The following NSG2 variants were observed in gnomAD, a reference collection of about 807,000 sequenced individuals.
NSG2 encodes the protein neuronal vesicle trafficking-associated protein 2.
A neutral mutation model predicts 16.9 loss-of-function variants in NSG2; 4 were observed. That is an observed-to-expected ratio of 0.24 (90% confidence interval 0.12 to 0.54). The LOEUF is 0.54. Among genes scored for constraint, NSG2 ranks in the 20% least tolerant of loss-of-function variants. NSG2 has a pLI of 0.95. For missense variants in NSG2, 179 were observed against 221.1 expected (o/e 0.81, Z 1.21); for synonymous variants, 98 against 88.7 (o/e 1.11, Z -0.59).
At chr5:174,084,968 CT>C (rs974321765) in intron 3 of NSG2, among the ~76,000 whole-genome samples, 30 of 152,260 alleles carry the variant, frequency 2.0e-4, no homozygotes, top group Admixed American at 2.6e-4. Context: ...GCACGTCCAT[CT>C]TTTTTGGAGC....
At position 174,064,113 on chromosome 5, in the gene NSG2, G is replaced by A. The variant is rs1760101576; in HGVS notation, c.130-119G>A. On this transcript the variant is annotated intron_variant, in intron 2 of 4. Coordinates refer to ENST00000303177, the MANE Select transcript of NSG2 (RefSeq NM_015980.5). ...AATTTTCTCTTACGTGTGTTTGAAG[G>A]GGGGTTCTTTATTTTTTTGATCTTT... 4.7e-6 allele frequency: 3 copies of A among 642,850 alleles called. No homozygotes were observed. The East Asian group carries it at 7.9e-5, about 17-fold the overall frequency. 39.8% of individuals were successfully genotyped at this position (642,850 alleles called of 1,614,324 possible).
intron 2 of NSG2, among the ~76,000 whole-genome samples, chr5:174,063,458 C>G (rs1760088861): frequency 6.6e-6 from 1 of 152,074 alleles, no homozygotes; most frequent in South Asian, 2.1e-4. Context: ...CACAAGTCCC[C>G]AAATCAAATT....
intron 3 of NSG2, among the ~76,000 whole-genome samples, chr5:174,103,904 G>A (rs570162149): frequency 4.6e-5 from 7 of 152,342 alleles, no homozygotes; most frequent in South Asian, 4.1e-4. Flanking sequence ...GGTGAAGGTT[G>A]CAGTGAGCTG....
intron 3 of NSG2, among the ~76,000 whole-genome samples, chr5:174,089,152 C>G (rs1029637739): frequency 6.6e-6 from 1 of 152,186 alleles, no homozygotes; most frequent in Non-Finnish European, 1.5e-5. Context: ...ACAAGGAGGT[C>G]TGTCTATAAG....
intron 3 of NSG2, among the ~76,000 whole-genome samples, chr5:174,097,725 G>C (rs771016207): frequency 1.3e-5 from 2 of 149,994 alleles, no homozygotes; most frequent in Non-Finnish European, 3.0e-5. Flanking sequence ...GTTTGTCTCT[G>C]TGTGTGTCTC....
At chr5:174,061,138 C>G (rs1415423395) in intron 2 of NSG2, among the ~76,000 whole-genome samples, 1 of 152,020 alleles carries the variant, frequency 6.6e-6, no homozygotes, top group African/African-American at 2.4e-5. Flanking sequence ...ATATATTACA[C>G]ACACACACAC....
intron 2 of NSG2, among the ~76,000 whole-genome samples, chr5:174,059,223 TG>T (rs1286440276): frequency 6.6e-6 from 1 of 152,206 alleles, no homozygotes; most frequent in Non-Finnish European, 1.5e-5. Context: ...AAAAACCTCT[TG>T]GTATCTAATT....
chr5:174,078,456 G>T (rs1026397521), intron 3 of NSG2, among the ~76,000 whole-genome samples: 1 of 152,164 alleles, frequency 6.6e-6, no homozygotes, highest in Non-Finnish European at 1.5e-5. Flanking sequence ...GTTAATGGTT[G>T]TAGACAGAGG....
At chr5:174,106,237 T>C (rs1467852803) in intron 4 of NSG2, among the ~76,000 whole-genome samples, 2 of 152,200 alleles carry the variant, frequency 1.3e-5, no homozygotes, top group African/African-American at 4.8e-5. Context: ...TTCTTAAATA[T>C]TTGTCCTTGA....
Position 174,061,094 on chromosome 5 carries a change from ATATAT to A in NSG2, c.130-3132_130-3128del, listed in dbSNP as rs200550158. Among the ~76,000 whole-genome samples, 255 of 152,092 alleles carry A rather than the reference ATATAT, an allele frequency of 1.7e-3. 1 individual carries two copies. The highest frequency in any genetic ancestry group is 0.014 in the East Asian group (73 of 5,184). The stretch of plus-strand genomic sequence containing the variant: ...GTGGCTCATGCTGACCAAGAAATAC[ATATAT>A]TATATATATTAATAGATATGTTACA... On this transcript the variant is annotated intron_variant, in intron 2 of 4. Transcript: ENST00000303177.
intron 3 of NSG2, chr5:174,084,254 ACT>A (rs1760554363): frequency 6.6e-6 from 1 of 152,262 alleles, no homozygotes; most frequent in Non-Finnish European, 1.5e-5. Flanking sequence ...CAGTGTGAAC[ACT>A]CAACGTGGAG....
At chr5:174,099,109 G>T (rs1294324381) in intron 3 of NSG2, among the ~76,000 whole-genome samples, 3 of 152,144 alleles carry the variant, frequency 2.0e-5, no homozygotes, top group Non-Finnish European at 4.4e-5. Flanking sequence ...GATCAGGCAC[G>T]TAGGCCCCTG....
intron 2 of NSG2, among the ~76,000 whole-genome samples, chr5:174,059,118 A>T (rs1372403524): frequency 6.6e-6 from 1 of 152,200 alleles, no homozygotes; most frequent in African/African-American, 2.4e-5. Flanking sequence ...CATGACTGCA[A>T]ATGGTGAGTG....
At chr5:174,085,968 A>T (rs981999720) in intron 3 of NSG2, among the ~76,000 whole-genome samples, 6 of 152,250 alleles carry the variant, frequency 3.9e-5, no homozygotes, top group African/African-American at 1.4e-4. Context: ...GCTTACAGGG[A>T]TGCTCAATGA....
chr5:174,082,114 A>G (rs753986103), intron 3 of NSG2, among the ~76,000 whole-genome samples: 29 of 152,188 alleles, frequency 1.9e-4, no homozygotes, highest in Admixed American at 3.9e-4. Context: ...ACCTGTCTGA[A>G]GCTTTGAAAG....
intron 3 of NSG2, among the ~76,000 whole-genome samples, chr5:174,073,355 C>G (rs1390162591): frequency 6.6e-6 from 1 of 152,188 alleles, no homozygotes; most frequent in Non-Finnish European, 1.5e-5. Context: ...TTATTGCTCT[C>G]TCTTTCTTTT....
chr5:174,097,371 ATGCAGGTGCTTCC>A (rs1173278727), intron 3 of NSG2, among the ~76,000 whole-genome samples: 5 of 151,782 alleles, frequency 3.3e-5, no homozygotes, highest in Admixed American at 6.6e-5. Context: ...AGGAGGAGAC[ATGCAGGTGCTTCC>A]GTGCACCACT....
intron 3 of NSG2, among the ~76,000 whole-genome samples, chr5:174,078,771 A>G (rs1222489047): frequency 6.6e-6 from 1 of 152,242 alleles, no homozygotes; most frequent in East Asian, 1.9e-4. Context: ...GAGGACACAG[A>G]TAGAAGGCAC....
intron 2 of NSG2, among the ~76,000 whole-genome samples, chr5:174,063,870 T>A (rs368523681): frequency 2.6e-5 from 4 of 152,222 alleles, no homozygotes; most frequent in Non-Finnish European, 5.9e-5. Context: ...ATATATTTGT[T>A]TACATTGGAA....
Sources: allele counts gnomAD v4.1 joint callset (sites outside exome capture counted in the v4.1 genomes callset), GRCh38; gene constraint gnomAD v4.1.1; transcripts MANE v1.5; gene names NCBI Gene and HGNC (gene_info 2026-07-23, HGNC 2026-07-21).